Variants in CYBB observed in about 807,000 individuals in gnomAD.
CYBB encodes the protein NADPH oxidase 2.
CYBB carries 5 observed loss-of-function variants against 46.5 expected under a neutral mutation model. The observed-to-expected ratio is 0.11, with a 90% CI of 0.06 to 0.23. The LOEUF is 0.23. Ranked by LOEUF, CYBB falls within the 10% of genes least tolerant of loss-of-function variation. The probability of loss-of-function intolerance (pLI) is 1.00; values close to 1 mark genes in which losing one functional copy is unlikely to be tolerated. For missense variants in CYBB, 307 were observed against 428.3 expected (o/e 0.72, Z 2.50); for synonymous variants, 183 against 156.7 (o/e 1.17, Z -1.26).
rs187079945 is a variant in CYBB, at chrX:37,801,393, A to G, written c.897+45A>G. 3.6e-5 allele frequency: 32 copies of G among 881,764 alleles called. No individual in the cohort carries two copies. In the Admixed American group the frequency reaches 5.3e-4, roughly 15 times the overall value. 72.7% of individuals were successfully genotyped at this position (881,764 alleles called of 1,213,427 possible). A position where few individuals can be genotyped will look rare whatever the true frequency, so the allele number is the denominator to read the frequency against. ...TTACTAGTGGTCAGTGTCTAACTATATCATGGACAAGTCTTCCCAACTCCT... is the reference window on the plus strand; with the variant it reads ...TTACTAGTGGTCAGTGTCTAACTATGTCATGGACAAGTCTTCCCAACTCCT... On this transcript the variant is annotated intron_variant, in intron 8 of 12. Coordinates refer to ENST00000378588, the MANE Select transcript of CYBB (RefSeq NM_000397.4).
intron 5 of CYBB, 134 bp from the exon 6 acceptor site, chrX:37,795,817 A>G: frequency 8.4e-6 from 4 of 478,027 alleles, no homozygotes; most frequent in African/African-American, 2.3e-5. Flanking sequence ...GGGTGAAAAT[A>G]TCTATTGTTC....
chrX:37,792,227 A>G (rs1929212911), intron 4 of CYBB, among the ~76,000 whole-genome samples, 168 bp downstream of exon 4: 1 of 111,596 alleles, frequency 9.0e-6, no homozygotes, highest in African/African-American at 3.3e-5. Flanking sequence ...CTGCCACTTC[A>G]ATATTAGGAT....
At chrX:37,803,442 T>C (rs1929487898) in intron 8 of CYBB, among the ~76,000 whole-genome samples, 1 of 111,213 alleles carries the variant, frequency 9.0e-6, no homozygotes, top group Non-Finnish European at 1.9e-5. Context: ...TGATTTCTTA[T>C]GTTGGATTCC....
chrX:37,786,683 C>A (rs182233534), intron 3 of CYBB, among the ~76,000 whole-genome samples: 130 of 111,246 alleles, frequency 1.2e-3, no homozygotes, highest in African/African-American at 4.1e-3. Context: ...AAGCTCAGCA[C>A]ACAAAAATCT....
rs371247935 is a variant in CYBB, at chrX:37,809,769, T to C, written c.1586+78T>C. ...CAGCCCCTATACATATCTAAACTTA[T>C]ATATTTTAGAAACTCAAATATGTAT... is the stretch of plus-strand genomic sequence containing the variant. On this transcript the variant is annotated intron_variant, in intron 12 of 12. Coordinates refer to ENST00000378588, the MANE Select transcript of CYBB (RefSeq NM_000397.4). 1.8e-5 allele frequency: 19 copies of C among 1,039,883 alleles called. No individual in the cohort carries two copies. In the African/African-American group the frequency reaches 3.0e-4, roughly 16 times the overall value. 85.7% of individuals were successfully genotyped at this position (1,039,883 alleles called of 1,213,427 possible). A position where few individuals can be genotyped will look rare whatever the true frequency, so the allele number is the denominator to read the frequency against.
intron 8 of CYBB, among the ~76,000 whole-genome samples, chrX:37,802,189 T>C (rs183795696): frequency 9.0e-6 from 1 of 111,534 alleles, no homozygotes; most frequent in African/African-American, 3.3e-5. Context: ...CTGTCTATGG[T>C]GGGTCATAGT....
At chrX:37,783,917 G>A (rs781957878) in intron 3 of CYBB, among the ~76,000 whole-genome samples, 1 of 111,360 alleles carries the variant, frequency 9.0e-6, no homozygotes, top group African/African-American at 3.3e-5. Context: ...AGAGCTTTAG[G>A]AAGTTGACAT....
At chrX:37,790,824 C>T (rs1929184496) in intron 3 of CYBB, among the ~76,000 whole-genome samples, 1 of 111,509 alleles carries the variant, frequency 9.0e-6, no homozygotes, top group African/African-American at 3.3e-5. Context: ...CATAAATTTT[C>T]TTTGGTACTT....
At chrX:37,802,396 T>A (rs1307813832) in intron 8 of CYBB, among the ~76,000 whole-genome samples, 3 of 111,855 alleles carry the variant, frequency 2.7e-5, no homozygotes. Flanking sequence ...GGAAAACTTG[T>A]TTTCCTTTGA....
intron 5 of CYBB, among the ~76,000 whole-genome samples, chrX:37,795,640 T>C (rs1323677071): frequency 1.8e-5 from 2 of 111,830 alleles, no homozygotes; most frequent in Non-Finnish European, 3.8e-5. Flanking sequence ...GGACATCCTG[T>C]AGTTGATTGA....
Position 37,804,110 on chromosome X carries a change from A to T in CYBB, c.1131A>T (p.Gln377His). The T allele has an allele frequency of 8.3e-7, 1 of 1,210,901 alleles. No homozygotes were observed. Among genetic ancestry groups the T allele is most frequent in the Non-Finnish European group, 1.1e-6 (1 of 895,084 alleles). Reference protein sequence around the residue: ...NACGCDKQEFQDAWKLPKIAV... With the variant: ...NACGCDKQEFHDAWKLPKIAV... Reference sequence around the variant, plus strand: ...GTGGCTGTGATAAGCAGGAGTTTCAAGATGCGTGGAAACTACCTAAGTGAG... The same window carrying T: ...GTGGCTGTGATAAGCAGGAGTTTCATGATGCGTGGAAACTACCTAAGTGAG... Residue 377 changes from glutamine to histidine, a missense_variant, in exon 9 of 13, where the codon CAA becomes CAT. Transcript: ENST00000378588.
rs183050509 is a variant in CYBB at position 37,799,130 on chromosome X, C to A, written c.804+46C>A. The A allele has an allele frequency of 9.0e-5, 102 of 1,135,085 alleles. 1 individual carries two copies. Among genetic ancestry groups the A allele is most frequent in the Non-Finnish European group, 1.1e-4 (92 of 827,710 alleles). The allele number at this position is 1,135,085 out of a possible 1,213,427, so 93.5% of individuals were successfully genotyped here. A position where few individuals can be genotyped will look rare whatever the true frequency, so the allele number is the denominator to read the frequency against. ...TTATTACAGTTTCATTACTGACAAT[C>A]TTTAACCTGTGTCTAAGAAACATGT... On this transcript the variant is annotated intron_variant, in intron 7 of 12. Coordinates refer to ENST00000378588, the MANE Select transcript of CYBB (RefSeq NM_000397.4).
chrX:37,789,403 T>C (rs1461124490), intron 3 of CYBB, among the ~76,000 whole-genome samples: 1 of 108,779 alleles, frequency 9.2e-6, no homozygotes, highest in Non-Finnish European at 1.9e-5. Flanking sequence ...TAGAATTCTG[T>C]CTACCACAAG....
chrX:37,805,257 C>A, intron 10 of CYBB, 89 bp downstream of exon 10: 1 of 963,960 alleles, frequency 1.0e-6, no homozygotes, highest in Non-Finnish European at 1.5e-6. Flanking sequence ...CTAAGGTTGG[C>A]AGAGACCATG....
chrX:37,810,665 T>A, intron 12 of CYBB, 126 bp from the exon 13 acceptor site: 1 of 660,691 alleles, frequency 1.5e-6, no homozygotes, highest in Non-Finnish European at 2.4e-6. Context: ...TTGCTATTTG[T>A]GGAAAAGAAA....
At chrX:37,787,929 G>T (rs1185761967) in intron 3 of CYBB, among the ~76,000 whole-genome samples, 1 of 111,562 alleles carries the variant, frequency 9.0e-6, no homozygotes, top group East Asian at 2.8e-4. Context: ...CTGATGGTTG[G>T]ACCCACTCCA....
intron 3 of CYBB, among the ~76,000 whole-genome samples, chrX:37,788,492 G>C (rs1929124149): frequency 9.0e-6 from 1 of 111,702 alleles, no homozygotes; most frequent in Non-Finnish European, 1.9e-5. Flanking sequence ...AAGCTTACCT[G>C]CTAGCTGGGG....
chrX:37,786,238 C>T (rs1929063489), intron 3 of CYBB, among the ~76,000 whole-genome samples: 1 of 111,617 alleles, frequency 9.0e-6, no homozygotes, highest in Non-Finnish European at 1.9e-5. Context: ...GAATTCACCG[C>T]ATGAAATCTG....
intron 2 of CYBB, 110 bp downstream of exon 2, chrX:37,782,293 C>G (rs1928969112): frequency 3.6e-6 from 2 of 557,813 alleles, no homozygotes; most frequent in East Asian, 3.6e-5. Flanking sequence ...CCAACCCAAA[C>G]AGTACCATTA....
Sources: gnomAD v4.1 joint callset for allele counts (sites outside exome capture counted in the v4.1 genomes callset) on GRCh38, gnomAD v4.1.1 for gene constraint, MANE v1.5 for transcripts, NCBI Gene and HGNC (gene_info 2026-07-23, HGNC 2026-07-21) for gene names.